Variants in PRMT2 observed in about 807,000 individuals in gnomAD.
PRMT2 encodes protein arginine N-methyltransferase 2.
Under a neutral mutation model 57.6 loss-of-function variants are expected in PRMT2, and 26 were observed. The ratio of observed to expected loss-of-function variants is 0.45; its 90% confidence interval spans 0.33 to 0.63. The LOEUF (loss-of-function observed/expected upper bound fraction) is 0.63, where lower values mean the gene tolerates loss of function less well. Among genes scored for constraint, PRMT2 ranks in the 20% least tolerant of loss-of-function variants. The probability of loss-of-function intolerance (pLI) is 0.02; values close to 1 mark genes in which losing one functional copy is unlikely to be tolerated. For synonymous variants in PRMT2, 219 were observed against 220.0 expected (o/e 1.00, Z 0.04); for missense variants, 472 against 564.4 (o/e 0.84, Z 1.66).
intron 2 of PRMT2, 135 bp from the exon 3 acceptor site, chr21:46,636,761 T>C: frequency 1.8e-6 from 1 of 563,180 alleles, no homozygotes; most frequent in Non-Finnish European, 3.1e-6. Flanking sequence ...TAAATTTTCA[T>C]TTCTACACTA....
chr21:46,641,103 G>A (rs1244428478), intron 3 of PRMT2, among the ~76,000 whole-genome samples: 1 of 123,786 alleles, frequency 8.1e-6, no homozygotes. Context: ...TAGCCTGGGT[G>A]ACAGAGGGTG....
chr21:46,658,528 T>C, intron 7 of PRMT2: 1 of 703,772 alleles, frequency 1.4e-6, no homozygotes, highest in Non-Finnish European at 2.2e-6. Flanking sequence ...TGGGAAATTA[T>C]GTGACTTAAA....
chr21:46,654,963 C>T (rs1215367871), intron 7 of PRMT2: 1 of 973,930 alleles, frequency 1.0e-6, no homozygotes, highest in Non-Finnish European at 1.2e-6. Flanking sequence ...CAAAGAAGGT[C>T]CATGAAATGG....
In PRMT2 at chr21:46,648,083, A is replaced by T. The variant is rs1477977400; in HGVS notation, c.328-375A>T. ...TTAGTAGGTACTGCATGGAATGTTTATGTTAATTTTGGGAGAGCTGACATC... is the reference window on the plus strand; with the variant it reads ...TTAGTAGGTACTGCATGGAATGTTTTTGTTAATTTTGGGAGAGCTGACATC... On this transcript the variant is annotated intron_variant, in intron 5 of 11. Transcript: ENST00000355680. The surrounding 1 kb of genome is among the most constrained non-coding windows in gnomAD (Gnocchi z 4.8). Among the ~76,000 whole-genome samples, 1 of 152,014 alleles carries T rather than the reference A, an allele frequency of 6.6e-6. No individual in the cohort carries two copies. The highest frequency in any genetic ancestry group is 1.5e-5 in the Non-Finnish European group (1 of 68,012).
Position 46,663,444 on chromosome 21 carries a change from G to C in PRMT2, c.1159G>C (p.Asp387His). The change falls in exon 11 of 12, where the codon GAC (aspartate) becomes CAC (histidine). Residue 387 changes from aspartate (D) to histidine (H), a missense_variant. Transcript: ENST00000355680. ...CGACCCAGTCCCTGTCCATACAGGA[G>C]ACGTGGTCACGGGTTCAGTTGTGTT... The part of the protein sequence containing the change: ...MDDPVPVHTG[D>H]VVTGSVVLQR... The C allele has an allele frequency of 6.2e-7, 1 of 1,614,210 alleles. No individual in the cohort carries two copies.
At chr21:46,643,497 C>T in intron 3 of PRMT2, 38 bp from the exon 4 acceptor site, 1 of 1,421,300 alleles carries the variant, frequency 7.0e-7, no homozygotes, top group Non-Finnish European at 9.2e-7. Context: ...AAAAAAGCTC[C>T]AGCGTCCTCT....
In PRMT2 at chr21:46,649,541, C is replaced by T. The variant is rs370502656; in HGVS notation, c.490-34C>T. 127 of 1,613,430 alleles carry T rather than the reference C, an allele frequency of 7.9e-5. No homozygotes were observed. The highest frequency in any genetic ancestry group is 1.0e-4 in the Non-Finnish European group (120 of 1,180,030). ...AGTAGATGACGGGCCGTGTGCCGGC[C>T]GGATGTACGCTGACGGTGCCTCTGC... On this transcript the variant is annotated intron_variant, in intron 6 of 11. Coordinates refer to ENST00000355680, the MANE Select transcript of PRMT2 (RefSeq NM_206962.4). The surrounding 1 kb of genome is among the most constrained non-coding windows in gnomAD (Gnocchi z 4.8).
At chr21:46,647,014 C>G (rs1164635285) in intron 5 of PRMT2, among the ~76,000 whole-genome samples, 2 of 152,204 alleles carry the variant, frequency 1.3e-5, no homozygotes, top group East Asian at 3.8e-4. Context: ...AAGGTGGCCT[C>G]TTAATGCCAT....
chr21:46,647,367 A>G (rs1019615949), intron 5 of PRMT2, among the ~76,000 whole-genome samples: 1 of 152,012 alleles, frequency 6.6e-6, no homozygotes, highest in Non-Finnish European at 1.5e-5. Flanking sequence ...TTTTCTTTGT[A>G]TAGCCTAATA....
intron 7 of PRMT2, chr21:46,652,388 G>T: frequency 9.3e-7 from 1 of 1,076,950 alleles, no homozygotes; most frequent in Non-Finnish European, 1.1e-6. Context: ...TGCAGCTAAA[G>T]AATTGTGTGA....
intron 11 of PRMT2, 142 bp from the exon 12 acceptor site, chr21:46,664,151 TAA>T (rs758754877): frequency 1.4e-5 from 9 of 644,794 alleles, no homozygotes; most frequent in South Asian, 5.6e-5. Flanking sequence ...TGCTTTGTGA[TAA>T]GTTTTTGTTA....
intron 3 of PRMT2, among the ~76,000 whole-genome samples, chr21:46,640,671 G>C (rs1468936171): frequency 6.6e-6 from 1 of 150,516 alleles, no homozygotes; most frequent in Non-Finnish European, 1.5e-5. Context: ...TCAAACTTCT[G>C]ATCTCAGGTG....
At chr21:46,659,036 G>A (rs981430236) in intron 8 of PRMT2, 116 bp downstream of exon 8, 4 of 1,461,722 alleles carry the variant, frequency 2.7e-6, no homozygotes, top group Non-Finnish European at 3.6e-6. Context: ...GAGGGTACCT[G>A]TGCACCCAGA....
rs545744581 is a variant in PRMT2 at position 46,659,752 on chromosome 21, C to T, written c.830+832C>T. The T allele has an allele frequency of 4.1e-6, 4 of 985,382 alleles. No individual in the cohort carries two copies. In the African/African-American group the frequency reaches 7.0e-5, roughly 17 times the overall value. 61.0% of individuals were successfully genotyped at this position (985,382 alleles called of 1,614,324 possible). On this transcript the variant is annotated intron_variant, in intron 8 of 11. Coordinates refer to ENST00000355680, the MANE Select transcript of PRMT2 (RefSeq NM_206962.4). ...GCCAGAGCCTCCCACCTGAGTGTTC[C>T]TCCCGGCACTGGAAGCCAGTGGCCG...
At position 46,658,849 on chromosome 21, in the gene PRMT2, T is replaced by C. The variant is rs1165834195; in HGVS notation, c.759T>C (p.Ser253=). The C allele has an allele frequency of 6.2e-7, 1 of 1,614,190 alleles. No individual in the cohort carries two copies. The highest frequency in any genetic ancestry group is 1.7e-5 in the Admixed American group (1 of 60,030). The part of the protein sequence containing the change: ...TMAALHLVPC[S]ADKDYRSKVL... ...CTGCGTTGCACCTTGTGCCCTGCAG[T>C]GCTGATAAGGATTATCGTAGCAAGG... The change falls in exon 8 of 12, where the codon AGT becomes AGC. Residue 253 remains serine (S), a synonymous_variant. Transcript: ENST00000355680.
Position 46,637,009 on chromosome 21 carries a change from C to A in PRMT2, c.39+19C>A. 1 of 1,612,754 alleles carries A rather than the reference C, an allele frequency of 6.2e-7. No individual in the cohort carries two copies. Among genetic ancestry groups the A allele is most frequent in the Non-Finnish European group, 8.5e-7 (1 of 1,179,032 alleles). ...ATCGCAGGTAATTTCCGTTCCACTT[C>A]CTAAAAATCTGTGTTTAATGAATGT... On this transcript the variant is annotated intron_variant, in intron 3 of 11. Coordinates refer to ENST00000355680, the MANE Select transcript of PRMT2 (RefSeq NM_206962.4).
At chr21:46,639,145 A>G (rs976014715) in intron 3 of PRMT2, among the ~76,000 whole-genome samples, 1 of 152,206 alleles carries the variant, frequency 6.6e-6, no homozygotes, top group African/African-American at 2.4e-5. Flanking sequence ...ATTTCTAAAC[A>G]TATTGGAAAT....
chr21:46,653,128 GA>G, intron 7 of PRMT2: 1 of 985,376 alleles, frequency 1.0e-6, no homozygotes, highest in Non-Finnish European at 1.2e-6. Flanking sequence ...GAAGAATAAA[GA>G]ATTTGGACCA....
At chr21:46,635,884 G>C (rs1313163285) in intron 1 of PRMT2, 121 bp downstream of exon 1, 1 of 152,372 alleles carries the variant, frequency 6.6e-6, no homozygotes, top group Admixed American at 6.5e-5. Context: ...CCCCTTTTGG[G>C]ACCTCCGAGC....
Sources: gnomAD v4.1 joint callset for allele counts (sites outside exome capture counted in the v4.1 genomes callset) on GRCh38, gnomAD v4.1.1 for gene constraint, Gnocchi (gnomAD v3.1) non-coding constraint, MANE v1.5 for transcripts, NCBI Gene and HGNC (gene_info 2026-07-23, HGNC 2026-07-21) for gene names.